The following SOHLH2 variants were observed in gnomAD, a reference collection of about 807,000 sequenced individuals.
The protein encoded by SOHLH2 is spermatogenesis and oogenesis specific basic helix-loop-helix 2, also known as spermatogenesis- and oogenesis-specific basic helix-loop-helix-containing protein 2.
Under a neutral mutation model 50.4 loss-of-function variants are expected in SOHLH2, and 22 were observed. The observed-to-expected ratio is 0.44, with a 90% confidence interval of 0.31 to 0.62. SOHLH2 has a LOEUF of 0.62. SOHLH2 is among the 20% of genes least tolerant of loss of function. The pLI, the probability that SOHLH2 is intolerant of heterozygous loss-of-function variation, is 0.08. For synonymous variants in SOHLH2, 185 were observed against 187.3 expected (o/e 0.99, Z 0.10); for missense variants, 412 against 504.4 (o/e 0.82, Z 1.76).
In SOHLH2 at chr13:36,213,933, G is replaced by A. The variant is rs540014225; in HGVS notation, c.48+546C>T. ...AATAAAAATCATCGTTCACATTTTT[G>A]TCCAGCCACCAGCCCCAGAGTGCCT... On this transcript the variant is annotated intron_variant, in intron 1 of 10. Transcript: ENST00000379881. 7.9e-5 allele frequency among the ~76,000 whole-genome samples: 12 copies of A among 152,038 alleles called. No individual in the cohort carries two copies. In the East Asian group the frequency reaches 2.3e-3, roughly 29 times the overall value.
chr13:36,183,433 A>G (rs1887314599), intron 6 of SOHLH2, among the ~76,000 whole-genome samples: 1 of 152,198 alleles, frequency 6.6e-6, no homozygotes, highest in African/African-American at 2.4e-5. Context: ...TAATCCCTAG[A>G]GCAACCAATA....
At position 36,174,911 on chromosome 13, in the gene SOHLH2, T is replaced by C. The variant is rs780251708; in HGVS notation, c.642-42A>G. Reference sequence around the variant, plus strand: ...AATACATAAAGAATAATTAGTCTCATTGTCTTCATTGTACCCAAAGACAAA... The same window carrying C: ...AATACATAAAGAATAATTAGTCTCACTGTCTTCATTGTACCCAAAGACAAA... On this transcript the variant is annotated intron_variant, in intron 6 of 10. Coordinates refer to ENST00000379881, the MANE Select transcript of SOHLH2 (RefSeq NM_017826.3). The C allele has an allele frequency of 5.2e-6, 8 of 1,532,210 alleles. No individual in the cohort carries two copies. In the East Asian group the frequency reaches 9.1e-5, roughly 17 times the overall value. 94.9% of individuals were successfully genotyped at this position (1,532,210 alleles called of 1,614,324 possible). A position where few individuals can be genotyped will look rare whatever the true frequency, so the allele number is the denominator to read the frequency against.
chr13:36,178,822 T>A (rs937213024), intron 6 of SOHLH2, among the ~76,000 whole-genome samples: 2 of 124,840 alleles, frequency 1.6e-5, no homozygotes, highest in South Asian at 5.6e-4. Context: ...GATCATTTGT[T>A]TTTTTTTTTT....
intron 2 of SOHLH2, among the ~76,000 whole-genome samples, chr13:36,201,231 A>G (rs1345062464): frequency 6.6e-6 from 1 of 152,006 alleles, no homozygotes; most frequent in East Asian, 1.9e-4. Context: ...TCACTTCCTT[A>G]TTAGTGTCTG....
chr13:36,206,860 T>C (rs1035486431), intron 1 of SOHLH2, among the ~76,000 whole-genome samples: 8 of 151,426 alleles, frequency 5.3e-5, no homozygotes, highest in African/African-American at 1.9e-4. Context: ...ATAATGATAT[T>C]ATATAAATAT....
chr13:36,176,763 T>C (rs1483427136), intron 6 of SOHLH2, among the ~76,000 whole-genome samples: 1 of 152,182 alleles, frequency 6.6e-6, no homozygotes, highest in Non-Finnish European at 1.5e-5. Context: ...TTAGAGATGC[T>C]CAACTAGTAT....
intron 2 of SOHLH2, among the ~76,000 whole-genome samples, chr13:36,198,876 A>C (rs1359220659): frequency 2.0e-5 from 3 of 152,180 alleles, no homozygotes; most frequent in African/African-American, 7.2e-5. Flanking sequence ...TCTATCATCA[A>C]TTCCTCATTC....
chr13:36,173,780 A>G lies in SOHLH2; in HGVS notation c.912T>C (p.Pro304=). Residue 304 remains proline, a synonymous_variant, in exon 9 of 11, where the codon CCT becomes CCC. Transcript: ENST00000379881. ...TAGTCAGGAATTGGAGCCCTCTCTCAGGGGAGTAAGTGCTCATCACACTGT... is the reference window on the plus strand; with the variant it reads ...TAGTCAGGAATTGGAGCCCTCTCTCGGGGGAGTAAGTGCTCATCACACTGT... The part of the protein sequence containing the change: ...RENSVMSTYS[P]ERGLQFLTNT... The G allele has an allele frequency of 6.2e-7, 1 of 1,614,094 alleles. No individual in the cohort carries two copies.
rs1868757533 is a variant in SOHLH2 at position 36,206,308 on chromosome 13, T to A, written c.49-4215A>T. 2.6e-5 allele frequency among the ~76,000 whole-genome samples: 4 copies of A among 151,882 alleles called. No homozygotes were observed. The South Asian group carries it at 6.2e-4, about 24-fold the overall frequency. ...GGGCAGCAAAGTAGAGGATCTAAAT[T>A]TTCCTCCTAGTGGCATTTTGTTGTA... On this transcript the variant is annotated intron_variant, in intron 1 of 10. Coordinates refer to ENST00000379881, the MANE Select transcript of SOHLH2 (RefSeq NM_017826.3).
intron 2 of SOHLH2, among the ~76,000 whole-genome samples, chr13:36,195,587 C>A (rs1376218027): frequency 6.6e-6 from 1 of 152,156 alleles, no homozygotes; most frequent in East Asian, 1.9e-4. Context: ...TTTAGAAAGA[C>A]CACTCTGCCT....
chr13:36,182,694 C>T (rs1300307665), intron 6 of SOHLH2: 1 of 152,208 alleles, frequency 6.6e-6, no homozygotes, highest in African/African-American at 2.4e-5. Flanking sequence ...ATGGTTAACA[C>T]CACACTGAGA....
intron 6 of SOHLH2, chr13:36,183,006 C>T (rs1336218398): frequency 6.0e-6 from 1 of 168,002 alleles, no homozygotes; most frequent in Non-Finnish European, 1.3e-5. Context: ...GCGCCATCCC[C>T]TTGGTGATGA....
At chr13:36,212,786 G>A (rs1188903884) in intron 1 of SOHLH2, among the ~76,000 whole-genome samples, 1 of 152,210 alleles carries the variant, frequency 6.6e-6, no homozygotes, top group East Asian at 1.9e-4. Context: ...CTTTAAGTGT[G>A]GGTGGTTTTA....
Position 36,173,783 on chromosome 13 carries a change from G to A in SOHLH2, c.909C>T (p.Ser303=), listed in dbSNP as rs1887027843. The change falls in exon 9 of 11, where the codon TCC becomes TCT. Residue 303 remains serine, a synonymous_variant. Transcript: ENST00000379881. ...TCAGGAATTGGAGCCCTCTCTCAGG[G>A]GAGTAAGTGCTCATCACACTGTTTT... ...QRENSVMSTY[S]PERGLQFLTN... is the part of the protein sequence containing the mutation. The A allele has an allele frequency of 6.2e-7, 1 of 1,614,064 alleles. No homozygotes were observed. Among genetic ancestry groups the A allele is most frequent in the Non-Finnish European group, 8.5e-7 (1 of 1,180,040 alleles).
Position 36,193,818 on chromosome 13 carries a change from C to T in SOHLH2, c.313G>A (p.Glu105Lys). 1.2e-6 allele frequency: 2 copies of T among 1,602,628 alleles called. No homozygotes were observed. The highest frequency in any genetic ancestry group is 1.7e-6 in the Non-Finnish European group (2 of 1,177,244). ...THSLFVFIIP[E>K]NFKGCISGHG... ...AGCAGGTACATACCTTTAAAATTTT[C>T]AGGGATTATAAAAACAAACAGTGAA... The change falls in exon 3 of 11, where the codon GAA becomes AAA. Residue 105 changes from glutamate to lysine, a missense_variant. Transcript: ENST00000379881.
intron 1 of SOHLH2, among the ~76,000 whole-genome samples, chr13:36,213,784 G>C (rs956050398): frequency 6.6e-6 from 1 of 152,166 alleles, no homozygotes; most frequent in Non-Finnish European, 1.5e-5. Flanking sequence ...TGTTTGGGGG[G>C]AAGCTCCACG....
chr13:36,211,493 T>C (rs984295611), intron 1 of SOHLH2, among the ~76,000 whole-genome samples: 15 of 152,230 alleles, frequency 9.9e-5, no homozygotes, highest in East Asian at 5.8e-4. Context: ...ATAGCCCTTT[T>C]CTCTGCTGAT....
chr13:36,176,986 G>C (rs1484944906), intron 6 of SOHLH2, among the ~76,000 whole-genome samples: 2 of 151,922 alleles, frequency 1.3e-5, no homozygotes, highest in Non-Finnish European at 2.9e-5. Flanking sequence ...GTATGTATTT[G>C]AAATATATAT....
At chr13:36,174,364 T>A (rs1887045222) in intron 8 of SOHLH2, 112 bp downstream of exon 8, 1 of 1,420,578 alleles carries the variant, frequency 7.0e-7, no homozygotes, top group Admixed American at 2.3e-5. Flanking sequence ...CGCTGACCCT[T>A]AATAAGCCCC....
Sources: gnomAD v4.1 joint callset for allele counts (sites outside exome capture counted in the v4.1 genomes callset) on GRCh38, gnomAD v4.1.1 for gene constraint, MANE v1.5 for transcripts, NCBI Gene and HGNC (gene_info 2026-07-23, HGNC 2026-07-21) for gene names.